The following ERC2 variants were observed in gnomAD, a reference collection of about 807,000 sequenced individuals.
The protein encoded by ERC2 is ELKS/RAB6-interacting/CAST family member 2, also known as ERC protein 2.
A neutral mutation model predicts 114.8 loss-of-function variants in ERC2; 42 were observed. That is an observed-to-expected ratio of 0.37 (90% CI 0.29 to 0.47). ERC2 has a LOEUF of 0.47. Among genes scored for constraint, ERC2 ranks in the 20% least tolerant of loss-of-function variants. ERC2 has a pLI of 0.99. For synonymous variants in ERC2, 454 were observed against 425.5 expected (o/e 1.07, Z -0.82); for missense variants, 939 against 1,150.7 (o/e 0.82, Z 2.66).
rs147116641 is a variant in ERC2 at position 56,315,917 on chromosome 3, C to T, written c.658-19482G>A. On this transcript the variant is annotated intron_variant, in intron 2 of 17. Transcript: ENST00000288221. The stretch of plus-strand genomic sequence containing the variant: ...GTACAGATACTGCTGGTGCCCAGAA[C>T]AAAAGCATTATTGAATGAAAGAAGA... Among the ~76,000 whole-genome samples the T allele has an allele frequency of 3.8e-3, 583 of 152,148 alleles. 4 individuals carry two copies. Among genetic ancestry groups the T allele is most frequent in the Non-Finnish European group, 5.8e-3 (395 of 67,988 alleles).
intron 7 of ERC2, among the ~76,000 whole-genome samples, chr3:56,069,775 G>A (rs572519600): frequency 6.6e-6 from 1 of 152,136 alleles, no homozygotes; most frequent in African/African-American, 2.4e-5. Context: ...AATCTAAAAA[G>A]GAGGTATGAT....
chr3:56,294,172 G>T (rs1305827096), intron 3 of ERC2, among the ~76,000 whole-genome samples: 3 of 152,204 alleles, frequency 2.0e-5, no homozygotes. Flanking sequence ...CTACATGAGA[G>T]GTCTATGAAG....
chr3:56,165,129 C>T (rs770372837), intron 4 of ERC2, among the ~76,000 whole-genome samples: 35 of 151,896 alleles, frequency 2.3e-4, no homozygotes, highest in Non-Finnish European at 4.6e-4. Flanking sequence ...ACTTCAGAAA[C>T]CTCCTTCCTG....
intron 3 of ERC2, among the ~76,000 whole-genome samples, chr3:56,245,670 AG>A (rs1204679294): frequency 6.6e-6 from 1 of 151,720 alleles, no homozygotes; most frequent in Non-Finnish European, 1.5e-5. Context: ...CAGCCTCCCC[AG>A]TAGCTGGGAT....
chr3:55,893,170 C>A (rs1559828441), intron 13 of ERC2, among the ~76,000 whole-genome samples: 1 of 152,166 alleles, frequency 6.6e-6, no homozygotes, highest in Non-Finnish European at 1.5e-5. Context: ...GTGAGAAATA[C>A]ATTTCTGTTA....
At chr3:55,748,652 A>G (rs1029494698) in intron 14 of ERC2, among the ~76,000 whole-genome samples, 7 of 152,232 alleles carry the variant, frequency 4.6e-5, no homozygotes, top group African/African-American at 1.7e-4. Flanking sequence ...AATGCTGGGC[A>G]AAGAATCCAT....
chr3:56,360,410 G>T (rs1258405468), intron 2 of ERC2, among the ~76,000 whole-genome samples: 1 of 152,090 alleles, frequency 6.6e-6, no homozygotes, highest in Non-Finnish European at 1.5e-5. Context: ...AGAAACCGAG[G>T]TTGGCTCTTG....
intron 2 of ERC2, among the ~76,000 whole-genome samples, chr3:56,314,702 C>T (rs1360835539): frequency 6.6e-6 from 1 of 152,130 alleles, no homozygotes; most frequent in East Asian, 1.9e-4. Flanking sequence ...AAAGAGACAG[C>T]AAATATTTAA....
At chr3:56,448,640 A>C (rs1197393600) in intron 1 of ERC2, among the ~76,000 whole-genome samples, 15 of 152,236 alleles carry the variant, frequency 9.9e-5, no homozygotes. Context: ...TAAAAGGCCA[A>C]ACAGTACACA....
intron 17 of ERC2, among the ~76,000 whole-genome samples, chr3:55,636,589 A>G (rs1378984939): frequency 6.6e-6 from 1 of 152,162 alleles, no homozygotes; most frequent in Admixed American, 6.5e-5. Context: ...AAACTATAAT[A>G]CACTAAATCA....
At chr3:55,684,710 A>G (rs1474901502) in intron 16 of ERC2, among the ~76,000 whole-genome samples, 1 of 152,214 alleles carries the variant, frequency 6.6e-6, no homozygotes, top group Non-Finnish European at 1.5e-5. Context: ...TGAAGTGGCT[A>G]ATATAGAGGG....
chr3:55,533,762 C>G (rs768875197), intron 17 of ERC2, among the ~76,000 whole-genome samples: 16 of 152,224 alleles, frequency 1.1e-4, no homozygotes, highest in Non-Finnish European at 2.1e-4. Flanking sequence ...GCTCCTTGCT[C>G]TCCTGACTCT....
chr3:56,135,764 ATGT>A (rs2080468697), intron 6 of ERC2, among the ~76,000 whole-genome samples: 1 of 152,220 alleles, frequency 6.6e-6, no homozygotes, highest in Non-Finnish European at 1.5e-5. Context: ...CACAGAATAA[ATGT>A]TAGGCCTTAA....
At chr3:56,366,793 T>C (rs1174717722) in intron 2 of ERC2, among the ~76,000 whole-genome samples, 1 of 152,242 alleles carries the variant, frequency 6.6e-6, no homozygotes, top group Non-Finnish European at 1.5e-5. Flanking sequence ...CTGATAATTC[T>C]GTGGTTCTCA....
At chr3:55,739,298 T>C (rs1197700389) in intron 14 of ERC2, among the ~76,000 whole-genome samples, 1 of 152,194 alleles carries the variant, frequency 6.6e-6, no homozygotes, top group African/African-American at 2.4e-5. Flanking sequence ...CTGGGTCAAA[T>C]GGTATTTCTG....
chr3:56,402,130 T>G (rs1359968696), intron 2 of ERC2, among the ~76,000 whole-genome samples: 1 of 152,148 alleles, frequency 6.6e-6, no homozygotes, highest in East Asian at 1.9e-4. Context: ...CAGCCCTTGA[T>G]ACGTAGGGAT....
At chr3:55,555,070 T>C (rs181758512) in intron 17 of ERC2, among the ~76,000 whole-genome samples, 13 of 150,084 alleles carry the variant, frequency 8.7e-5, no homozygotes, top group Admixed American at 2.0e-4. Flanking sequence ...CCGAGAGCAG[T>C]GGAAACAAAA....
At chr3:55,552,639 G>GAA (rs35690246) in intron 17 of ERC2, among the ~76,000 whole-genome samples, 22 of 140,910 alleles carry the variant, frequency 1.6e-4, no homozygotes, top group Non-Finnish European at 2.3e-4. Context: ...TGGAAAAAAG[G>GAA]AAAAAAAAAA....
At chr3:56,007,133 A>G (rs780940320) in intron 10 of ERC2, 48 bp downstream of exon 10, 49 of 1,497,990 alleles carry the variant, frequency 3.3e-5, no homozygotes, top group Non-Finnish European at 4.3e-5. Context: ...TCCATTTTAT[A>G]AATTCATTTT....
Sources: gnomAD v4.1 joint callset for allele counts (sites outside exome capture counted in the v4.1 genomes callset) on GRCh38, gnomAD v4.1.1 for gene constraint, MANE v1.5 for transcripts, NCBI Gene and HGNC (gene_info 2026-07-23, HGNC 2026-07-21) for gene names.